The following POLN variants were observed in gnomAD, a reference collection of about 807,000 sequenced individuals.
POLN encodes DNA polymerase nu.
Under a neutral mutation model 113.5 loss-of-function variants are expected in POLN, and 108 were observed. The ratio of observed to expected loss-of-function variants is 0.95; its 90% CI spans 0.81 to 1.12. The LOEUF is 1.12. POLN is among the 50% of genes most tolerant of loss of function. POLN has a pLI of 0.00. For synonymous variants in POLN, 386 were observed against 391.5 expected, an observed-to-expected ratio of 0.99 and a Z score of 0.17; for missense variants, 1,097 against 1,077.1, an observed-to-expected ratio of 1.02 and a Z score of -0.26.
At chr4:2,176,459 AT>A (rs1246389979) in intron 8 of POLN, 125 bp from the exon 9 acceptor site, 6 of 692,444 alleles carry the variant, frequency 8.7e-6, no homozygotes, top group Non-Finnish European at 1.4e-5. Context: ...TCAATGGCAG[AT>A]GTCATGTACG....
At chr4:2,079,928 TCAGTTACTGCAGAAAG>T in intron 23 of POLN, 1 of 985,454 alleles carries the variant, frequency 1.0e-6, no homozygotes, top group Admixed American at 6.1e-5. Flanking sequence ...TCTGACCACT[TCAGTTACTGCAGAAAG>T]CAGCACTGAG....
chr4:2,241,656 C>T lies in POLN; in HGVS notation c.-149G>A, dbSNP rs1033473626. 13 of 985,336 alleles carry T rather than the reference C, an allele frequency of 1.3e-5. No homozygotes were observed. In the Admixed American group the frequency reaches 1.8e-4, roughly 14 times the overall value. The allele number at this position is 985,336 out of a possible 1,614,324, so 61.0% of individuals were successfully genotyped here. On this transcript the variant is annotated 5_prime_UTR_variant, in exon 2 of 26. Coordinates refer to ENST00000511885, the MANE Select transcript of POLN (RefSeq NM_181808.4). ...CCTTCAGCCAGCGCTGAGGCAGCCC[C>T]GACGCCAGGGCCGCGCGAACCCCAG...
intron 7 of POLN, among the ~76,000 whole-genome samples, chr4:2,180,875 A>G (rs1031976560): frequency 6.6e-6 from 1 of 152,246 alleles, no homozygotes; most frequent in Non-Finnish European, 1.5e-5. Flanking sequence ...TGCTAACAAA[A>G]TAAGATTTAA....
chr4:2,073,890 C>T (rs1282420897), intron 24 of POLN, among the ~76,000 whole-genome samples: 1 of 152,230 alleles, frequency 6.6e-6, no homozygotes, highest in Non-Finnish European at 1.5e-5. Context: ...TCAATGTCTT[C>T]TGTGCAGGAG....
chr4:2,120,131 C>T (rs555026730), intron 19 of POLN, among the ~76,000 whole-genome samples: 71 of 152,262 alleles, frequency 4.7e-4, no homozygotes, highest in Non-Finnish European at 8.5e-4. Context: ...ATCCTTCTGT[C>T]AGCACCACAC....
At chr4:2,116,517 T>G (rs919748136) in intron 19 of POLN, among the ~76,000 whole-genome samples, 6 of 150,860 alleles carry the variant, frequency 4.0e-5, no homozygotes, top group African/African-American at 1.5e-4. Flanking sequence ...CCAGCTTAAC[T>G]AGAAATTAAT....
intron 7 of POLN, among the ~76,000 whole-genome samples, chr4:2,191,041 A>G (rs1733427552): frequency 6.6e-6 from 1 of 152,254 alleles, no homozygotes; most frequent in African/African-American, 2.4e-5. Context: ...AAGAATCAAC[A>G]TATCAGAGCG....
chr4:2,097,227 T>C (rs1022337875), intron 19 of POLN, among the ~76,000 whole-genome samples: 1 of 152,162 alleles, frequency 6.6e-6, no homozygotes, highest in Non-Finnish European at 1.5e-5. Context: ...AAATACCCAC[T>C]TCTTTTCGAG....
At chr4:2,075,251 C>T (rs1730248280) in intron 24 of POLN, among the ~76,000 whole-genome samples, 2 of 152,228 alleles carry the variant, frequency 1.3e-5, no homozygotes. Flanking sequence ...GGGTGGAGCC[C>T]ACTTGGGCCT....
intron 3 of POLN, among the ~76,000 whole-genome samples, chr4:2,220,973 A>T (rs1734238395): frequency 6.7e-6 from 1 of 149,832 alleles, no homozygotes; most frequent in Non-Finnish European, 1.5e-5. Context: ...CCCATCCCAA[A>T]AACTTCTCCT....
intron 2 of POLN, among the ~76,000 whole-genome samples, chr4:2,232,951 G>A (rs1232387756): frequency 6.6e-6 from 1 of 151,960 alleles, no homozygotes; most frequent in Non-Finnish European, 1.5e-5. Flanking sequence ...ATTATCTGAG[G>A]TACTTGTTAT....
At chr4:2,074,564 G>C (rs533930145) in intron 24 of POLN, among the ~76,000 whole-genome samples, 2 of 152,324 alleles carry the variant, frequency 1.3e-5, no homozygotes, top group South Asian at 4.1e-4. Flanking sequence ...CTTTTCAAGT[G>C]GCAGAGCCCT....
At chr4:2,187,238 G>GTTTGT (rs1202610668) in intron 7 of POLN, among the ~76,000 whole-genome samples, 2 of 139,684 alleles carry the variant, frequency 1.4e-5, no homozygotes, top group Admixed American at 6.9e-5. Flanking sequence ...TTTTTTGTTT[G>GTTTGT]TTTGTTTTGT....
At chr4:2,232,295 G>A (rs919636610) in intron 2 of POLN, 5 of 484,358 alleles carry the variant, frequency 1.0e-5, no homozygotes, top group Non-Finnish European at 1.1e-5. Context: ...AATAAACCTC[G>A]ATTTAAAATC....
intron 19 of POLN, among the ~76,000 whole-genome samples, chr4:2,120,205 T>G (rs1731406993): frequency 6.6e-6 from 1 of 152,220 alleles, no homozygotes; most frequent in Non-Finnish European, 1.5e-5. Context: ...CATTTTATTT[T>G]CTTCAAAACT....
intron 3 of POLN, among the ~76,000 whole-genome samples, chr4:2,216,219 T>C (rs1258725372): frequency 1.3e-5 from 2 of 152,174 alleles, no homozygotes; most frequent in Non-Finnish European, 2.9e-5. Flanking sequence ...CAGCTGGAAA[T>C]TAAATGGCGT....
At chr4:2,173,877 T>C (rs1472335711) in intron 11 of POLN, 78 bp downstream of exon 11, 23 of 1,362,110 alleles carry the variant, frequency 1.7e-5, no homozygotes, top group Non-Finnish European at 2.3e-5. Flanking sequence ...GAGAATCTAC[T>C]CTAGACCTGC....
At chr4:2,098,915 T>TGC (rs767288559) in intron 19 of POLN, among the ~76,000 whole-genome samples, 62 of 53,104 alleles carry the variant, frequency 1.2e-3, no homozygotes, top group East Asian at 2.5e-3. Context: ...TGCACGTGCG[T>TGC]GCGCACACAC....
chr4:2,092,402 C>T (rs1282442962), intron 20 of POLN, among the ~76,000 whole-genome samples: 3 of 152,206 alleles, frequency 2.0e-5, no homozygotes, highest in Admixed American at 6.5e-5. Context: ...AGCAGCTGTG[C>T]GCAGGGCCGT....
Sources: gnomAD v4.1 joint callset for allele counts (sites outside exome capture counted in the v4.1 genomes callset) on GRCh38, gnomAD v4.1.1 for gene constraint, MANE v1.5 for transcripts, NCBI Gene and HGNC (gene_info 2026-07-23, HGNC 2026-07-21) for gene names.